The following CAPRIN2 variants were observed in gnomAD, a reference collection of about 807,000 sequenced individuals.
The protein encoded by CAPRIN2 is caprin family member 2.
In CAPRIN2, 66 loss-of-function variants were observed where a neutral mutation model predicts 130.4. The ratio of observed to expected loss-of-function variants is 0.51; its 90% CI spans 0.42 to 0.62. The LOEUF (loss-of-function observed/expected upper bound fraction) is 0.62, where lower values mean the gene tolerates loss of function less well. Among genes scored for constraint, CAPRIN2 ranks in the 20% least tolerant of loss-of-function variants. CAPRIN2 has a pLI of 0.00. For missense variants in CAPRIN2, 1,185 were observed against 1,246.6 expected, an observed-to-expected ratio of 0.95 and a Z score of 0.74; for synonymous variants, 471 against 444.1, an observed-to-expected ratio of 1.06 and a Z score of -0.76.
chr12:30,740,363 G>A (rs1484481190), intron 3 of CAPRIN2, among the ~76,000 whole-genome samples: 1 of 152,138 alleles, frequency 6.6e-6, no homozygotes, highest in African/African-American at 2.4e-5. Context: ...CTCCAGGAAT[G>A]AATTTATTTA....
exon 8 of CAPRIN2, chr12:30,729,143 G>T: frequency 6.2e-7 from 1 of 1,613,934 alleles, no homozygotes; most frequent in Non-Finnish European, 8.5e-7. Context: ...ATACCTCCTG[G>T]TGCTTACCAG....
At chr12:30,723,352 GACAAAAGCTT>G in intron 10 of CAPRIN2, 38 bp from the exon 12 acceptor site, 1 of 1,458,676 alleles carries the variant, frequency 6.9e-7, no homozygotes, top group Non-Finnish European at 9.6e-7. Context: ...ACTGAGGGAA[GACAAAAGCTT>G]ACGCATATCA....
intron 2 of CAPRIN2, among the ~76,000 whole-genome samples, chr12:30,744,605 G>T (rs370824660): frequency 1.3e-5 from 2 of 151,986 alleles, no homozygotes; most frequent in East Asian, 1.9e-4. Context: ...CTTAACTAAA[G>T]TTCTTCCTTT....
intron 6 of CAPRIN2, among the ~76,000 whole-genome samples, chr12:30,730,857 C>G (rs542121563): frequency 2.0e-5 from 3 of 152,284 alleles, no homozygotes; most frequent in Non-Finnish European, 4.4e-5. Context: ...TAAACAAAAG[C>G]AGAAGTGCCA....
chr12:30,714,923 A>G (rs1332869200), intron 14 of CAPRIN2, 36 bp downstream of exon 16: 1 of 1,548,228 alleles, frequency 6.5e-7, no homozygotes, highest in East Asian at 2.3e-5. Flanking sequence ...CACAGACAAA[A>G]TAATTCAGTA....
At chr12:30,730,796 G>C (rs553359875) in intron 6 of CAPRIN2, among the ~76,000 whole-genome samples, 7 of 152,242 alleles carry the variant, frequency 4.6e-5, no homozygotes, top group Non-Finnish European at 8.8e-5. Context: ...CCAGAACCCT[G>C]CCTGGACTAC....
exon 8 of CAPRIN2, chr12:30,729,306 A>C: frequency 1.3e-6 from 2 of 1,566,480 alleles, no homozygotes; most frequent in Non-Finnish European, 1.7e-6. Flanking sequence ...TACTTCTGTC[A>C]TATAGCGTCT....
intron 12 of CAPRIN2, chr12:30,720,189 T>C (rs2058960700): frequency 6.6e-6 from 1 of 152,224 alleles, no homozygotes; most frequent in African/African-American, 2.4e-5. Flanking sequence ...GTTCAAGCAA[T>C]TCTCTGTCCT....
At chr12:30,711,514 A>C in intron 16 of CAPRIN2, 52 bp downstream of exon 18, 1 of 1,366,402 alleles carries the variant, frequency 7.3e-7, no homozygotes, top group East Asian at 2.3e-5. Flanking sequence ...GGATGCAGAA[A>C]GAACTAGAGA....
exon 4 of CAPRIN2, chr12:30,734,978 C>G: frequency 6.2e-7 from 1 of 1,611,212 alleles, no homozygotes; most frequent in Non-Finnish European, 8.5e-7. Context: ...CTCAGACTTT[C>G]ATTTCTTTCA....
intron 6 of CAPRIN2, among the ~76,000 whole-genome samples, chr12:30,730,735 G>T (rs2062398333): frequency 6.6e-6 from 1 of 152,086 alleles, no homozygotes; most frequent in Admixed American, 6.6e-5. Context: ...TTAGTATTAA[G>T]AACTAAGGGG....
At chr12:30,730,028 C>T (rs1235511152) in intron 7 of CAPRIN2, among the ~76,000 whole-genome samples, 1 of 152,138 alleles carries the variant, frequency 6.6e-6, no homozygotes, top group Non-Finnish European at 1.5e-5. Flanking sequence ...ACAATAACCC[C>T]ATGAAGTAGT....
At chr12:30,746,497 G>A (rs948276516) in intron 2 of CAPRIN2, among the ~76,000 whole-genome samples, 15 of 152,186 alleles carry the variant, frequency 9.9e-5, no homozygotes, top group Admixed American at 2.0e-4. Flanking sequence ...ATGTGTCAAC[G>A]TAGATTCATA....
At chr12:30,734,450 G>A (rs1284277172) in intron 4 of CAPRIN2, among the ~76,000 whole-genome samples, 1 of 152,128 alleles carries the variant, frequency 6.6e-6, no homozygotes, top group African/African-American at 2.4e-5. Context: ...GCCCCAGTTT[G>A]CAGGTTTTGT....
rs757913295 is a variant in CAPRIN2 at position 30,710,118 on chromosome 12, C to G, written c.3018G>C (p.Val1006=). 9 of 1,614,006 alleles carry G rather than the reference C, an allele frequency of 5.6e-6. No homozygotes were observed. The highest frequency in any genetic ancestry group is 6.8e-6 in the Non-Finnish European group (8 of 1,180,024). Residue 1006 remains valine, a synonymous_variant, in exon 17 of 17, where the codon GTG becomes GTC. Transcript: ENST00000298892. This position sits in a 1 kb window ranked among gnomAD's most constrained non-coding sequence, Gnocchi z 4.8. ...TGAGGTTGACATACAGTGGCACATTCACTGCCAGCTTTAGCATGTGAAAAA... is the reference window on the plus strand; with the variant it reads ...TGAGGTTGACATACAGTGGCACATTGACTGCCAGCTTTAGCATGTGAAAAA...
chr12:30,711,350 C>T (rs1201486675), intron 16 of CAPRIN2, among the ~76,000 whole-genome samples: 1 of 152,148 alleles, frequency 6.6e-6, no homozygotes, highest in Admixed American at 6.5e-5. Context: ...TTTTAAAAAA[C>T]ACCCACCCTT....
chr12:30,731,271 G>A, intron 6 of CAPRIN2, 72 bp downstream of exon 7: 1 of 1,177,018 alleles, frequency 8.5e-7, no homozygotes, highest in South Asian at 1.5e-5. Context: ...GGCAATCACT[G>A]CACAATACGT....
intron 12 of CAPRIN2, among the ~76,000 whole-genome samples, chr12:30,717,292 T>A (rs2057923607): frequency 6.6e-6 from 1 of 152,190 alleles, no homozygotes; most frequent in African/African-American, 2.4e-5. Flanking sequence ...CAAATGAACT[T>A]TGAAAACATT....
At position 30,710,182 on chromosome 12, in the gene CAPRIN2, C is replaced by T; in HGVS notation, c.2954G>A (p.Gly985Asp). ...GCCATTCACTGGGCAATTAAATCTA[C>T]CAAGCTGAAGATCAAAAGTTTCTCC... Residue 985 changes from glycine (G) to aspartate (D), a missense_variant, in exon 17 of 17, where the codon GGT becomes GAT. Coordinates refer to ENST00000298892, the Ensembl canonical transcript of CAPRIN2. This position sits in a 1 kb window ranked among gnomAD's most constrained non-coding sequence, Gnocchi z 4.8. 2.5e-6 allele frequency: 4 copies of T among 1,614,110 alleles called. No homozygotes were observed. The highest frequency in any genetic ancestry group is 3.4e-6 in the Non-Finnish European group (4 of 1,180,032).
Sources: allele counts gnomAD v4.1 joint callset (sites outside exome capture counted in the v4.1 genomes callset), GRCh38; gene constraint gnomAD v4.1.1; non-coding constraint Gnocchi (gnomAD v3.1); transcripts MANE v1.5; gene names NCBI Gene and HGNC (gene_info 2026-07-23, HGNC 2026-07-21).